Variants in APCDD1L observed in about 807,000 individuals in gnomAD.
APCDD1L encodes APC down-regulated 1 like.
A neutral mutation model predicts 24.2 loss-of-function variants in APCDD1L; 21 were observed. The observed-to-expected ratio is 0.87, with a 90% CI of 0.61 to 1.25. APCDD1L has a LOEUF of 1.25. Among genes scored for constraint, APCDD1L ranks in the 50% most tolerant of loss-of-function variants. APCDD1L has a pLI of 0.00. For synonymous variants in APCDD1L, 321 were observed against 323.6 expected (o/e 0.99, Z 0.09); for missense variants, 704 against 711.7 (o/e 0.99, Z 0.12).
At chr20:58,512,977 A>T (rs968405744) in intron 1 of APCDD1L, among the ~76,000 whole-genome samples, 1 of 152,068 alleles carries the variant, frequency 6.6e-6, no homozygotes. Context: ...GTCACCGAGG[A>T]GCTGGGCAGC....
Position 58,467,370 on chromosome 20 carries a change from C to T in APCDD1L, c.477G>A (p.Ala159=). ...AGGCCCGGGCCGGAGGCAGCCGCCG[C>T]GCGCAGTCCCGGCCGGCGCGGGTCT... ...LNQTRAGRDC[A]RRLPPARAWL... is the part of the protein sequence containing the mutation. Residue 159 remains alanine, a synonymous_variant, in exon 3 of 4, where the codon GCG becomes GCA. Coordinates refer to ENST00000371149, the MANE Select transcript of APCDD1L (RefSeq NM_153360.3). This position sits in a 1 kb window ranked among gnomAD's most constrained non-coding sequence, Gnocchi z 5.9. The T allele has an allele frequency of 6.8e-7, 1 of 1,476,124 alleles. No individual in the cohort carries two copies. Among genetic ancestry groups the T allele is most frequent in the Non-Finnish European group, 8.9e-7 (1 of 1,121,896 alleles). 91.4% of individuals were successfully genotyped at this position (1,476,124 alleles called of 1,614,324 possible). A position where few individuals can be genotyped will look rare whatever the true frequency, so the allele number is the denominator to read the frequency against.
At chr20:58,498,365 C>A (rs1298892800) in intron 1 of APCDD1L, among the ~76,000 whole-genome samples, 1 of 152,122 alleles carries the variant, frequency 6.6e-6, no homozygotes, top group South Asian at 2.1e-4. Flanking sequence ...CCAAAATGAA[C>A]CCCTTCGGTA....
intron 1 of APCDD1L, among the ~76,000 whole-genome samples, chr20:58,512,543 G>A (rs1190526024): frequency 3.9e-5 from 6 of 152,058 alleles, no homozygotes; most frequent in African/African-American, 1.2e-4. Flanking sequence ...TGTCAATAGC[G>A]GCGAGGTTAA....
intron 1 of APCDD1L, among the ~76,000 whole-genome samples, chr20:58,476,308 A>G (rs1223862804): frequency 6.6e-6 from 1 of 152,208 alleles, no homozygotes; most frequent in African/African-American, 2.4e-5. Flanking sequence ...CTCCTGCCTC[A>G]GCCTCCTGAG....
chr20:58,466,470 C>T (rs529707673), intron 3 of APCDD1L, among the ~76,000 whole-genome samples: 116 of 152,352 alleles, frequency 7.6e-4, no homozygotes, highest in Non-Finnish European at 1.4e-3. Flanking sequence ...GTGTGAGGCT[C>T]GCACTGAGAT....
chr20:58,486,763 A>G (rs1052637275), intron 1 of APCDD1L, among the ~76,000 whole-genome samples: 35 of 152,104 alleles, frequency 2.3e-4, no homozygotes, highest in African/African-American at 8.5e-4. Flanking sequence ...TTTCAAATAA[A>G]CAATACTGAA....
chr20:58,496,064 C>T (rs767888324), intron 1 of APCDD1L, among the ~76,000 whole-genome samples: 2 of 152,238 alleles, frequency 1.3e-5, no homozygotes, highest in Non-Finnish European at 2.9e-5. Flanking sequence ...CAGATGAGAG[C>T]AGGGGCGTTT....
chr20:58,468,644 C>T (rs2057241), intron 2 of APCDD1L, among the ~76,000 whole-genome samples: 76,312 of 151,976 alleles, frequency 0.5, 20,680 homozygotes, highest in African/African-American at 0.68. Context: ...CTCGGCTCAC[C>T]GCAACTTCTG....
intron 3 of APCDD1L, among the ~76,000 whole-genome samples, chr20:58,462,246 G>T (rs923049054): frequency 6.6e-5 from 10 of 152,126 alleles, no homozygotes; most frequent in Non-Finnish European, 5.9e-5. Flanking sequence ...GAAGTGCCAA[G>T]AACTATGCTA....
chr20:58,467,701 C>A lies in APCDD1L; in HGVS notation c.189-43G>T. 7.1e-7 allele frequency: 1 copy of A among 1,411,598 alleles called. No homozygotes were observed. The highest frequency in any genetic ancestry group is 9.2e-7 in the Non-Finnish European group (1 of 1,081,862). The allele number at this position is 1,411,598 out of a possible 1,614,324, so 87.4% of individuals were successfully genotyped here. ...GATGGGCTGGGTGCAGAGGGAACACCGCGCCGCGAGCCCCTCTCCCCTCTG... is the reference window on the plus strand; with the variant it reads ...GATGGGCTGGGTGCAGAGGGAACACAGCGCCGCGAGCCCCTCTCCCCTCTG... On this transcript the variant is annotated intron_variant, in intron 2 of 3. Transcript: ENST00000371149. This position sits in a 1 kb window ranked among gnomAD's most constrained non-coding sequence, Gnocchi z 5.9.
rs973566548 is a variant in APCDD1L, at chr20:58,508,190, T to C, written c.49+6469A>G. On this transcript the variant is annotated intron_variant, in intron 1 of 3. Transcript: ENST00000371149. The surrounding 1 kb of genome is among the most constrained non-coding windows in gnomAD (Gnocchi z 4.0). The stretch of plus-strand genomic sequence containing the variant: ...AGAGTTCTAGGCAGAAGAAACAGCC[T>C]ATGCATGCATATGGAGGTTGTGGTG... 5.3e-5 allele frequency among the ~76,000 whole-genome samples: 8 copies of C among 152,240 alleles called. No individual in the cohort carries two copies. The highest frequency in any genetic ancestry group is 1.3e-4 in the Admixed American group (2 of 15,282).
chr20:58,495,018 T>C (rs996251011), intron 1 of APCDD1L, among the ~76,000 whole-genome samples: 4 of 152,292 alleles, frequency 2.6e-5, no homozygotes, highest in African/African-American at 9.6e-5. Flanking sequence ...TGCTGCCCCC[T>C]GCACTCCTCC....
At chr20:58,504,969 G>A (rs1990506141) in intron 1 of APCDD1L, among the ~76,000 whole-genome samples, 2 of 152,134 alleles carry the variant, frequency 1.3e-5, no homozygotes, top group African/African-American at 4.8e-5. Flanking sequence ...AGCAAATTCA[G>A]GAGGTTACAA....
Position 58,467,231 on chromosome 20 carries a change from G to A in APCDD1L, c.616C>T (p.Gln206Ter). 6.3e-7 allele frequency: 1 copy of A among 1,596,606 alleles called. No individual in the cohort carries two copies. The change falls in exon 3 of 4, where the codon CAG becomes TAG. Residue 206 changes from glutamine (Q) to a stop codon, truncating the protein, a stop_gained. Transcript: ENST00000371149. LOFTEE classifies it high-confidence loss of function. The surrounding 1 kb of genome is among the most constrained non-coding windows in gnomAD (Gnocchi z 5.9). The part of the protein sequence containing the change: ...LSLVRVQRRL[Q>*]PQPRASPRLV... Reference sequence around the variant, plus strand: ...CGGGGCGACGCCCGGGGCTGCGGCTGCAGGCGGCGCTGCACGCGGACCAGG... The same window carrying A: ...CGGGGCGACGCCCGGGGCTGCGGCTACAGGCGGCGCTGCACGCGGACCAGG...
chr20:58,497,360 G>A lies in APCDD1L; in HGVS notation c.49+17299C>T, dbSNP rs1368101012. 1.3e-5 allele frequency among the ~76,000 whole-genome samples: 2 copies of A among 152,086 alleles called. No homozygotes were observed. The highest frequency in any genetic ancestry group is 1.9e-4 in the East Asian group (1 of 5,182). ...GCCATGGGGAGAGGGCCCACTAGGA[G>A]GCCCAGGGAACAGACGCCTTGCATC... is the stretch of plus-strand genomic sequence containing the variant. On this transcript the variant is annotated intron_variant, in intron 1 of 3. Coordinates refer to ENST00000371149, the MANE Select transcript of APCDD1L (RefSeq NM_153360.3). This position sits in a 1 kb window ranked among gnomAD's most constrained non-coding sequence, Gnocchi z 4.3.
chr20:58,476,032 A>G (rs1358052040), intron 1 of APCDD1L, among the ~76,000 whole-genome samples: 1 of 152,204 alleles, frequency 6.6e-6, no homozygotes, highest in African/African-American at 2.4e-5. Context: ...ATAAGGTCCT[A>G]TTCCCAGGTA....
intron 1 of APCDD1L, among the ~76,000 whole-genome samples, chr20:58,487,680 A>G (rs537334215): frequency 6.6e-6 from 1 of 152,344 alleles, no homozygotes; most frequent in Admixed American, 6.5e-5. Flanking sequence ...CATCAAAATC[A>G]GGTAGAGTAG....
intron 1 of APCDD1L, among the ~76,000 whole-genome samples, 157 bp from the exon 2 acceptor site, chr20:58,470,904 AG>A (rs1214605172): frequency 6.6e-6 from 1 of 152,094 alleles, no homozygotes; most frequent in African/African-American, 2.4e-5. Flanking sequence ...TTCTGGAGAC[AG>A]TGATGGGTTC....
At position 58,515,267 on chromosome 20, in the gene APCDD1L, C is replaced by T. The variant is rs1990722506; in HGVS notation, c.-560G>A. ...GCTACTCCTGGAAAAGTCGCGTCAA[C>T]TTGGATCCCAGCAAACCCAGAAGCG... On this transcript the variant is annotated 5_prime_UTR_variant, in exon 1 of 4. Coordinates refer to ENST00000371149, the MANE Select transcript of APCDD1L (RefSeq NM_153360.3). 1 of 206,904 alleles carries T rather than the reference C, an allele frequency of 4.8e-6. No individual in the cohort carries two copies. The highest frequency in any genetic ancestry group is 1.1e-4 in the East Asian group (1 of 9,244). The allele number at this position is 206,904 out of a possible 1,614,324, so 12.8% of individuals were successfully genotyped here. A position where few individuals can be genotyped will look rare whatever the true frequency, so the allele number is the denominator to read the frequency against.
Sources: allele counts gnomAD v4.1 joint callset (sites outside exome capture counted in the v4.1 genomes callset), GRCh38; gene constraint gnomAD v4.1.1; non-coding constraint Gnocchi (gnomAD v3.1); transcripts MANE v1.5; gene names NCBI Gene and HGNC (gene_info 2026-07-23, HGNC 2026-07-21).